The following TDRD5 variants were observed in gnomAD, a reference collection of about 807,000 sequenced individuals.
The protein encoded by TDRD5 is tudor domain-containing protein 5.
A neutral mutation model predicts 120.6 loss-of-function variants in TDRD5; 41 were observed. That is an observed-to-expected ratio of 0.34 (90% CI 0.26 to 0.44). TDRD5 has a LOEUF of 0.44. Ranked by LOEUF, TDRD5 falls within the 20% of genes least tolerant of loss-of-function variation. The pLI, the probability that TDRD5 is intolerant of heterozygous loss-of-function variation, is 1.00. For missense variants in TDRD5, 1,006 were observed against 1,221.2 expected, an observed-to-expected ratio of 0.82 and a Z score of 2.63; for synonymous variants, 430 against 433.7, an observed-to-expected ratio of 0.99 and a Z score of 0.11.
chr1:179,609,876 T>C (rs909548365), intron 4 of TDRD5, among the ~76,000 whole-genome samples: 1 of 152,174 alleles, frequency 6.6e-6, no homozygotes, highest in Non-Finnish European at 1.5e-5. Context: ...TCTAGAGCTA[T>C]TTCTGTGTCA....
At chr1:179,633,644 C>T (rs2102008248) in intron 7 of TDRD5, among the ~76,000 whole-genome samples, 1 of 152,092 alleles carries the variant, frequency 6.6e-6, no homozygotes, top group East Asian at 1.9e-4. Flanking sequence ...GCCACTGAAC[C>T]CAGCCTGGAG....
chr1:179,678,211 G>A (rs767962129), intron 17 of TDRD5, among the ~76,000 whole-genome samples: 2 of 152,138 alleles, frequency 1.3e-5, no homozygotes, highest in Non-Finnish European at 1.5e-5. Context: ...GCCTCACTCC[G>A]CTCCCAGGGT....
chr1:179,652,957 G>A (rs1678799566), intron 13 of TDRD5, among the ~76,000 whole-genome samples: 1 of 152,174 alleles, frequency 6.6e-6, no homozygotes, highest in Non-Finnish European at 1.5e-5. Context: ...TGAATTCCAT[G>A]TTAGACTTGG....
intron 17 of TDRD5, among the ~76,000 whole-genome samples, chr1:179,679,217 CGTG>C (rs151264102): frequency 0.017 from 2,554 of 152,100 alleles, 84 homozygotes; most frequent in African/African-American, 0.059. Context: ...ATAATGCCCT[CGTG>C]GTCATGATAT....
At chr1:179,636,680 G>T (rs1168046177) in intron 9 of TDRD5, among the ~76,000 whole-genome samples, 1 of 152,188 alleles carries the variant, frequency 6.6e-6, no homozygotes, top group Non-Finnish European at 1.5e-5. Context: ...ATTTCATTAT[G>T]CAGTATAAAA....
At chr1:179,653,160 C>T (rs752987282) in intron 13 of TDRD5, among the ~76,000 whole-genome samples, 9 of 152,082 alleles carry the variant, frequency 5.9e-5, no homozygotes, top group Non-Finnish European at 1.0e-4. Context: ...ATATTCCTCA[C>T]GACAACAGAT....
At chr1:179,678,064 G>C (rs1680228843) in intron 17 of TDRD5, among the ~76,000 whole-genome samples, 1 of 152,004 alleles carries the variant, frequency 6.6e-6, no homozygotes. Flanking sequence ...CCCTCCTTGG[G>C]AAGGGCTTGC....
Position 179,690,970 on chromosome 1 carries a change from A to C in TDRD5, c.*27A>C. On this transcript the variant is annotated 3_prime_UTR_variant, in exon 18 of 18. Transcript: ENST00000444136. ...GGAGGGAGGGAGGAGGGAGAAAAAC[A>C]GAATCCAGCCGCTTAGGCTTTGATG... is the stretch of plus-strand genomic sequence containing the variant. 2 of 1,595,240 alleles carry C rather than the reference A, an allele frequency of 1.3e-6. No individual in the cohort carries two copies. The highest frequency in any genetic ancestry group is 1.7e-6 in the Non-Finnish European group (2 of 1,170,020).
intron 4 of TDRD5, among the ~76,000 whole-genome samples, chr1:179,608,083 G>A (rs1385574287): frequency 6.6e-6 from 1 of 151,718 alleles, no homozygotes; most frequent in African/African-American, 2.4e-5. Flanking sequence ...GATAGTTTTT[G>A]CCCCCTTTTA....
chr1:179,637,630 C>T (rs1677833702), intron 9 of TDRD5, among the ~76,000 whole-genome samples: 1 of 151,246 alleles, frequency 6.6e-6, no homozygotes, highest in East Asian at 1.9e-4. Flanking sequence ...GCCTGTAGTC[C>T]CAGCTCCCGA....
intron 17 of TDRD5, among the ~76,000 whole-genome samples, chr1:179,688,767 C>A (rs1368952607): frequency 6.6e-6 from 1 of 152,094 alleles, no homozygotes; most frequent in African/African-American, 2.4e-5. Context: ...TTTCTCTAAA[C>A]TTCTCTTCTT....
chr1:179,600,011 C>T (rs1370031048), intron 4 of TDRD5, among the ~76,000 whole-genome samples: 1 of 152,110 alleles, frequency 6.6e-6, no homozygotes, highest in East Asian at 1.9e-4. Context: ...TTTTAGAGTG[C>T]ACTCCTTACT....
chr1:179,656,489 C>T (rs1023065419), intron 14 of TDRD5, among the ~76,000 whole-genome samples: 2 of 152,118 alleles, frequency 1.3e-5, no homozygotes, highest in African/African-American at 4.8e-5. Context: ...AGTATCAAGA[C>T]ATCTTGAGTT....
chr1:179,607,821 A>G (rs1020571319), intron 4 of TDRD5, among the ~76,000 whole-genome samples: 1 of 151,984 alleles, frequency 6.6e-6, no homozygotes, highest in African/African-American at 2.4e-5. Context: ...TATTAAAAAC[A>G]TAAAAGTCAA....
chr1:179,592,285 C>G (rs1675149501), intron 1 of TDRD5, 160 bp downstream of exon 1: 2 of 288,552 alleles, frequency 6.9e-6, no homozygotes, highest in Non-Finnish European at 6.6e-6. Context: ...AGTTCCTAGT[C>G]CTGGTTCCCG....
At chr1:179,630,633 A>G (rs1009687885) in intron 6 of TDRD5, 134 bp from the exon 7 acceptor site, 6 of 828,730 alleles carry the variant, frequency 7.2e-6, no homozygotes, top group Non-Finnish European at 9.0e-6. Context: ...GCTGGTATGG[A>G]AGTGAGCCTT....
chr1:179,652,013 C>T (rs1429599100), intron 12 of TDRD5, 26 bp from the exon 13 acceptor site: 6 of 1,605,176 alleles, frequency 3.7e-6, no homozygotes, highest in Middle Eastern at 1.7e-4. Context: ...TAAATTAAAC[C>T]ATCCCTTTTC....
chr1:179,688,854 G>A (rs924705256), intron 17 of TDRD5, among the ~76,000 whole-genome samples: 4 of 152,128 alleles, frequency 2.6e-5, no homozygotes, highest in Non-Finnish European at 5.9e-5. Context: ...TGAAGCTTGT[G>A]CATGCATCAC....
chr1:179,636,824 C>T (rs1489907866), intron 9 of TDRD5, among the ~76,000 whole-genome samples: 2 of 152,168 alleles, frequency 1.3e-5, no homozygotes, highest in Non-Finnish European at 2.9e-5. Context: ...ACAACATGTA[C>T]TGTGAGTTGT....
Sources: allele counts gnomAD v4.1 joint callset (sites outside exome capture counted in the v4.1 genomes callset), GRCh38; gene constraint gnomAD v4.1.1; transcripts MANE v1.5; gene names NCBI Gene and HGNC (gene_info 2026-07-23, HGNC 2026-07-21).